ABCA9: variants seen among roughly 807,000 people sequenced by gnomAD.
ABCA9 encodes ATP binding cassette subfamily A member 9, also known as ATP-binding cassette sub-family A member 9.
In ABCA9, 183 loss-of-function variants were observed where a neutral mutation model predicts 205.3. That is an observed-to-expected ratio of 0.89 (90% CI 0.79 to 1.01). The LOEUF is 1.01. ABCA9 is among the 50% of genes least tolerant of loss of function. The probability of loss-of-function intolerance (pLI) is 0.00; values close to 1 mark genes in which losing one functional copy is unlikely to be tolerated. For missense variants in ABCA9, 1,805 were observed against 1,912.4 expected, an observed-to-expected ratio of 0.94 and a Z score of 1.05; for synonymous variants, 651 against 683.3, an observed-to-expected ratio of 0.95 and a Z score of 0.74.
chr17:69,049,969 A>T (rs1316582562), intron 2 of ABCA9, among the ~76,000 whole-genome samples: 1 of 152,138 alleles, frequency 6.6e-6, no homozygotes, highest in Non-Finnish European at 1.5e-5. Context: ...GAATGTGGTC[A>T]TCGTGACCAC....
chr17:68,991,139 A>G (rs980233087), intron 28 of ABCA9, among the ~76,000 whole-genome samples, 182 bp from the exon 29 acceptor site: 6 of 152,198 alleles, frequency 3.9e-5, no homozygotes, highest in Admixed American at 3.9e-4. Context: ...TGAGTAGAGT[A>G]ATGATATCCT....
chr17:69,008,945 TA>T (rs1353999954), intron 23 of ABCA9, among the ~76,000 whole-genome samples: 1 of 152,176 alleles, frequency 6.6e-6, no homozygotes, highest in Non-Finnish European at 1.5e-5. Context: ...TGAGTCTATA[TA>T]AGGAGATTCA....
chr17:69,045,314 A>T lies in ABCA9; in HGVS notation c.327T>A (p.Pro109=). Residue 109 remains proline, a synonymous_variant, in exon 4 of 39, where the codon CCT becomes CCA. Transcript: ENST00000340001. ...FLKGRTIMGW[P]DEKSMDELDL... is the part of the protein sequence containing the mutation. ...CCAATTCATCCATGCTTTTTTCATC[A>T]GGCCACCCCATGATTGTTCTTCCTG... 2.5e-6 allele frequency: 4 copies of T among 1,612,032 alleles called. No individual in the cohort carries two copies. The highest frequency in any genetic ancestry group is 3.4e-6 in the Non-Finnish European group (4 of 1,179,022).
chr17:68,997,243 T>C (rs745654083), intron 25 of ABCA9, among the ~76,000 whole-genome samples: 1 of 152,278 alleles, frequency 6.6e-6, no homozygotes, highest in South Asian at 2.1e-4. Context: ...ATTATTCTTT[T>C]GCAAACTTAT....
At chr17:69,075,022 T>C in the ABCA9 span, among the ~76,000 whole-genome samples, 1 of 152,202 alleles carries the variant, frequency 6.6e-6, no homozygotes, top group East Asian at 1.9e-4. Context: ...TTTTTTCATG[T>C]TTGTTGACTG....
chr17:69,062,174 A>G (rs1253643893), upstream of ABCA9, among the ~76,000 whole-genome samples: 2 of 151,970 alleles, frequency 1.3e-5, no homozygotes, highest in East Asian at 1.9e-4. Context: ...TTGTTTCCAT[A>G]TGTCTACAGA....
rs532196731 is a variant in ABCA9 at position 68,975,951 on chromosome 17, C to T, written c.4839G>A (p.Ser1613=). 236 of 1,613,398 alleles carry T rather than the reference C, an allele frequency of 1.5e-4. 1 individual carries two copies. The highest frequency in any genetic ancestry group is 9.9e-4 in the Middle Eastern group (6 of 6,060). Residue 1613 remains serine, a synonymous_variant, in exon 39 of 39, where the codon TCG becomes TCA. Coordinates refer to ENST00000340001, the MANE Select transcript of ABCA9 (RefSeq NM_080283.4). The part of the protein sequence containing the change: ...LGDLEEDFDP[S]VKWKLLLQEE... ...CCTGCAGGAGGAGTTTCCACTTCAC[C>T]GAGGGATCAAAGTCCTCTTCAAGAT...
At chr17:69,047,623 A>T (rs773723457) in intron 3 of ABCA9, among the ~76,000 whole-genome samples, 1 of 152,062 alleles carries the variant, frequency 6.6e-6, no homozygotes, top group Non-Finnish European at 1.5e-5. Flanking sequence ...CCATGCTATC[A>T]TTCTTTGTTC....
Position 69,029,197 on chromosome 17 carries a change from C to T in ABCA9, c.1476G>A (p.Gly492=), listed in dbSNP as rs781398048. 6.4e-7 allele frequency: 1 copy of T among 1,561,454 alleles called. No individual in the cohort carries two copies. Among genetic ancestry groups the T allele is most frequent in the Non-Finnish European group, 8.7e-7 (1 of 1,143,460 alleles). Residue 492 remains glycine (G), a synonymous_variant, in exon 11 of 39, where the codon GGG becomes GGA. Transcript: ENST00000340001. The part of the protein sequence containing the change: ...RIKNLKKEYA[G]KCERVEALKG... Reference sequence around the variant, plus strand: ...TCAAAGCTTCTACTCTCTCACACTTCCCTGCATATTCTTTTTTAAGATTTT... The same window carrying T: ...TCAAAGCTTCTACTCTCTCACACTTTCCTGCATATTCTTTTTTAAGATTTT...
chr17:68,982,697 G>T, intron 36 of ABCA9, 56 bp from the exon 37 acceptor site: 1 of 1,389,288 alleles, frequency 7.2e-7, no homozygotes. Flanking sequence ...AAACCCCGAT[G>T]GGTACAAGTC....
intron 31 of ABCA9, among the ~76,000 whole-genome samples, chr17:68,987,290 C>T (rs1366150666): frequency 6.6e-6 from 1 of 152,098 alleles, no homozygotes; most frequent in African/African-American, 2.4e-5. Flanking sequence ...TATATTGTCT[C>T]CCCCCAGTAC....
intron 19 of ABCA9, among the ~76,000 whole-genome samples, chr17:69,019,164 C>G (rs531389428): frequency 2.0e-4 from 31 of 152,202 alleles, no homozygotes; most frequent in African/African-American, 7.0e-4. Context: ...TCCTTCCTGA[C>G]TCTTCAATAT....
intron 25 of ABCA9, among the ~76,000 whole-genome samples, chr17:69,003,008 G>T (rs62085382): frequency 0.68 from 97,488 of 143,682 alleles, 33,615 homozygotes; most frequent in Middle Eastern, 0.75. Flanking sequence ...AGCCTATGTG[G>T]GTCTCTGCAT....
At chr17:69,051,517 A>G in intron 1 of ABCA9, 2 of 203,874 alleles carry the variant, frequency 9.8e-6, no homozygotes, top group Non-Finnish European at 1.0e-5. Flanking sequence ...TTACTAATTC[A>G]TTACTACTTA....
In ABCA9 at chr17:68,983,795, C is replaced by T; in HGVS notation, c.4554G>A (p.Leu1518=). Residue 1518 remains leucine (L), a synonymous_variant, in exon 36 of 39, where the codon CTG becomes CTA. Transcript: ENST00000340001. The part of the protein sequence containing the change: ...LKSKFGKDYL[L]EMKLKNLAQM... ...GTGCCAGGTTCTTCAGCTTCATCTC[C>T]AGCAGGTAGTCTTTGCCAAATTTGC... is the stretch of plus-strand genomic sequence containing the variant. 3 of 1,614,192 alleles carry T rather than the reference C, an allele frequency of 1.9e-6. No individual in the cohort carries two copies. The highest frequency in any genetic ancestry group is 2.5e-6 in the Non-Finnish European group (3 of 1,180,036).
At chr17:69,012,138 G>T in intron 22 of ABCA9, 55 bp from the exon 23 acceptor site, 1 of 1,263,150 alleles carries the variant, frequency 7.9e-7, no homozygotes, top group South Asian at 1.3e-5. Flanking sequence ...TGTTTCATCT[G>T]TACTTTCTTA....
the ABCA9 span, among the ~76,000 whole-genome samples, chr17:69,069,899 A>T: frequency 6.6e-6 from 1 of 152,190 alleles, no homozygotes; most frequent in African/African-American, 2.4e-5. Flanking sequence ...TCTTGTAAAC[A>T]TTTCCATAAC....
intron 1 of ABCA9, among the ~76,000 whole-genome samples, chr17:69,054,695 T>C (rs916340441): frequency 6.6e-6 from 1 of 151,988 alleles, no homozygotes; most frequent in Non-Finnish European, 1.5e-5. Context: ...CTTATGTTTA[T>C]ATATGTATAT....
rs561628499 is a variant in ABCA9, at chr17:69,016,137, C to T, written c.3039+116G>A. 1.2e-3 allele frequency: 679 copies of T among 555,862 alleles called. 7 individuals carry two copies. The African/African-American group carries it at 0.013, about 10-fold the overall frequency. 34.4% of individuals were successfully genotyped at this position (555,862 alleles called of 1,614,324 possible). On this transcript the variant is annotated intron_variant, in intron 22 of 38. Transcript: ENST00000340001. ...ATATATATATATACACACACACACACACACACAAGTTTAAGAATAGATTCA... is the reference window on the plus strand; with the variant it reads ...ATATATATATATACACACACACACATACACACAAGTTTAAGAATAGATTCA...
Sources: gnomAD v4.1 joint callset for allele counts (sites outside exome capture counted in the v4.1 genomes callset) on GRCh38, gnomAD v4.1.1 for gene constraint, MANE v1.5 for transcripts, NCBI Gene and HGNC (gene_info 2026-07-23, HGNC 2026-07-21) for gene names.